GRAMD1B: variants seen among roughly 807,000 people sequenced by gnomAD.
GRAMD1B encodes GRAM domain containing 1B.
In GRAMD1B, 37 loss-of-function variants were observed where a neutral mutation model predicts 99.7. The ratio of observed to expected loss-of-function variants is 0.37; its 90% CI spans 0.29 to 0.49. GRAMD1B has a LOEUF of 0.49. GRAMD1B is among the 20% of genes least tolerant of loss of function. GRAMD1B has a pLI of 0.98. For missense variants in GRAMD1B, 888 were observed against 1,009.2 expected (o/e 0.88, Z 1.63); for synonymous variants, 427 against 387.6 (o/e 1.10, Z -1.19).
chr11:123,614,860 C>T (rs1489926159), intron 17 of GRAMD1B, 25 bp downstream of exon 17: 5 of 1,339,942 alleles, frequency 3.7e-6, no homozygotes, highest in Non-Finnish European at 3.2e-6. Flanking sequence ...GTTTTCCTAT[C>T]CTGCCCTCAC....
chr11:123,529,201 G>A (rs1943104983), intron 2 of GRAMD1B, among the ~76,000 whole-genome samples: 1 of 152,200 alleles, frequency 6.6e-6, no homozygotes, highest in Admixed American at 6.5e-5. Context: ...GTCAGTAAGT[G>A]TTAAGGGACA....
chr11:123,403,700 C>T (rs1387869958), intron 1 of GRAMD1B, among the ~76,000 whole-genome samples: 7 of 151,646 alleles, frequency 4.6e-5, no homozygotes, highest in East Asian at 4.0e-4. Flanking sequence ...TGCACAACCA[C>T]GCTCAGCTAA....
intron 2 of GRAMD1B, among the ~76,000 whole-genome samples, chr11:123,571,470 G>A (rs997148524): frequency 1.6e-4 from 24 of 152,306 alleles, no homozygotes; most frequent in African/African-American, 5.1e-4. Flanking sequence ...AACTATAGGA[G>A]GTAGGATCAA....
At position 123,430,651 on chromosome 11, in the gene GRAMD1B, T is replaced by C. The variant is rs1948831013; in HGVS notation, c.-142T>C. On this transcript the variant is annotated 5_prime_UTR_variant, in exon 1 of 20. Transcript: ENST00000635736. Reference sequence around the variant, plus strand: ...GCGTCCCCTCGCGTCCCTTCCTCGCTGCGCTCCGGGAAAGGAACTTGTTCC... The same window carrying C: ...GCGTCCCCTCGCGTCCCTTCCTCGCCGCGCTCCGGGAAAGGAACTTGTTCC... 3.9e-6 allele frequency: 2 copies of C among 508,338 alleles called. No homozygotes were observed. The highest frequency in any genetic ancestry group is 2.0e-5 in the African/African-American group (1 of 49,044). 31.5% of individuals were successfully genotyped at this position (508,338 alleles called of 1,614,324 possible).
At chr11:123,471,641 T>G (rs546421826) in intron 1 of GRAMD1B, among the ~76,000 whole-genome samples, 1 of 152,294 alleles carries the variant, frequency 6.6e-6, no homozygotes, top group South Asian at 2.1e-4. Context: ...GTCGTTGGTC[T>G]TGGTGTAACA....
In GRAMD1B at chr11:123,562,751, T is replaced by TTTGTCTCA. The variant is rs761144904; in HGVS notation, c.453-14612_453-14605dup. On this transcript the variant is annotated intron_variant, in intron 2 of 19. Coordinates refer to ENST00000635736, the MANE Select transcript of GRAMD1B (RefSeq NM_001387025.1). The stretch of plus-strand genomic sequence containing the variant: ...GTTCATCCTTCTGCCGAAACTTGGA[T>TTTGTCTCA]TTGTCTCATTGGGGGAAGTGGTGGG... 4.3e-4 allele frequency among the ~76,000 whole-genome samples: 65 copies of TTTGTCTCA among 152,310 alleles called. 1 individual carries two copies. The Middle Eastern group carries it at 0.01, about 24-fold the overall frequency.
chr11:123,606,904 G>T (rs1952818234), intron 11 of GRAMD1B, 106 bp downstream of exon 11: 1 of 803,290 alleles, frequency 1.2e-6, no homozygotes, highest in Non-Finnish European at 2.0e-6. Context: ...CTGGTGGAGA[G>T]ATGGGAGCAG....
intron 2 of GRAMD1B, among the ~76,000 whole-genome samples, chr11:123,551,887 C>A (rs942688479): frequency 6.6e-6 from 1 of 152,154 alleles, no homozygotes; most frequent in Non-Finnish European, 1.5e-5. Context: ...CAATTTTTCG[C>A]TTTCATTTCC....
chr11:123,413,159 T>C (rs756475342), intron 1 of GRAMD1B, among the ~76,000 whole-genome samples: 3 of 152,312 alleles, frequency 2.0e-5, no homozygotes, highest in Non-Finnish European at 4.4e-5. Context: ...CTCCCTGGAA[T>C]GGACCTCGAT....
chr11:123,607,532 G>A (rs1470043862), intron 11 of GRAMD1B, among the ~76,000 whole-genome samples: 1 of 152,188 alleles, frequency 6.6e-6, no homozygotes, highest in African/African-American at 2.4e-5. Flanking sequence ...CTAACTTTTG[G>A]TTGGTTTACC....
At chr11:123,400,841 TATTG>T (rs1211058870) in intron 1 of GRAMD1B, among the ~76,000 whole-genome samples, 1 of 152,234 alleles carries the variant, frequency 6.6e-6, no homozygotes, top group African/African-American at 2.4e-5. Flanking sequence ...TCCAGTATTT[TATTG>T]ATTGATTTCT....
At chr11:123,403,598 A>T (rs1345339180) in intron 1 of GRAMD1B, among the ~76,000 whole-genome samples, 1 of 151,728 alleles carries the variant, frequency 6.6e-6, no homozygotes, top group African/African-American at 2.4e-5. Flanking sequence ...GCTGGAGTGC[A>T]GTGGCAGCAA....
intron 2 of GRAMD1B, among the ~76,000 whole-genome samples, chr11:123,548,353 T>G (rs371200086): frequency 8.3e-6 from 1 of 120,904 alleles, no homozygotes; most frequent in South Asian, 2.5e-4. Flanking sequence ...CACACACATA[T>G]ATATATATAT....
At chr11:123,594,262 C>A in intron 5 of GRAMD1B, 96 bp downstream of exon 5, 1 of 827,048 alleles carries the variant, frequency 1.2e-6, no homozygotes, top group South Asian at 1.4e-5. Flanking sequence ...CAAGCCAACC[C>A]AGGTAAGCAA....
chr11:123,582,101 C>T (rs755310319), intron 3 of GRAMD1B, among the ~76,000 whole-genome samples: 1 of 152,218 alleles, frequency 6.6e-6, no homozygotes, highest in Non-Finnish European at 1.5e-5. Context: ...TGAGGAAGCA[C>T]AAGGAGACTG....
intron 1 of GRAMD1B, among the ~76,000 whole-genome samples, chr11:123,443,827 C>T (rs370319817): frequency 7.0e-4 from 107 of 152,306 alleles, no homozygotes; most frequent in South Asian, 2.7e-3. Flanking sequence ...GTGATCCACC[C>T]GCCTTGGCCT....
intron 1 of GRAMD1B, among the ~76,000 whole-genome samples, chr11:123,381,844 C>T (rs999689692): frequency 1.3e-5 from 2 of 152,212 alleles, no homozygotes; most frequent in Non-Finnish European, 2.9e-5. Flanking sequence ...AACAGGGGCT[C>T]AGACAGCAAG....
At chr11:123,537,686 C>G (rs990075313) in intron 2 of GRAMD1B, among the ~76,000 whole-genome samples, 1 of 152,176 alleles carries the variant, frequency 6.6e-6, no homozygotes, top group South Asian at 2.1e-4. Context: ...TATAAACAAG[C>G]AAAACACATT....
At chr11:123,595,794 C>G in intron 6 of GRAMD1B, 148 bp from the exon 7 acceptor site, 1 of 555,442 alleles carries the variant, frequency 1.8e-6, no homozygotes, top group South Asian at 2.3e-5. Flanking sequence ...AGGGGTAAAC[C>G]AGATGATCAC....
Sources: allele counts gnomAD v4.1 joint callset (sites outside exome capture counted in the v4.1 genomes callset), GRCh38; gene constraint gnomAD v4.1.1; transcripts MANE v1.5; gene names NCBI Gene and HGNC (gene_info 2026-07-23, HGNC 2026-07-21).